MGAT5: variants seen among roughly 807,000 people sequenced by gnomAD.
MGAT5 encodes the protein alpha-1,6-mannosylglycoprotein 6-beta-N-acetylglucosaminyltransferase A.
In MGAT5, 30 loss-of-function variants were observed where a neutral mutation model predicts 94.3. The ratio of observed to expected loss-of-function variants is 0.32; its 90% CI spans 0.24 to 0.43. MGAT5 has a LOEUF of 0.43. MGAT5 is among the 20% of genes least tolerant of loss of function. The probability of loss-of-function intolerance (pLI) is 1.00; values close to 1 mark genes in which losing one functional copy is unlikely to be tolerated. For synonymous variants in MGAT5, 310 were observed against 322.9 expected (o/e 0.96, Z 0.43); for missense variants, 691 against 905.5 (o/e 0.76, Z 3.04).
chr2:134,418,471 T>G (rs1221800130), intron 12 of MGAT5, among the ~76,000 whole-genome samples: 2 of 152,192 alleles, frequency 1.3e-5, no homozygotes, highest in Admixed American at 1.3e-4. Context: ...GAGGGCAGGA[T>G]GCAGAGGGGA....
chr2:134,170,834 T>C (rs1573786076), intron 1 of MGAT5, among the ~76,000 whole-genome samples: 1 of 151,732 alleles, frequency 6.6e-6, no homozygotes, highest in East Asian at 2.0e-4. Context: ...CAGAAGCACA[T>C]AGTAGATATA....
rs71275904 is a variant in MGAT5 at position 134,416,474 on chromosome 2, C to CTTTTTTTT, written c.1677+3463_1677+3470dup. On this transcript the variant is annotated intron_variant, in intron 12 of 15. Coordinates refer to ENST00000281923, the MANE Select transcript of MGAT5 (RefSeq NM_002410.5). Reference sequence around the variant, plus strand: ...GCCTGTTTCAGAATCTCATTCCTTACTTTTTTTTTTTGGAGACCGGGTCTT... The same window carrying CTTTTTTTT: ...GCCTGTTTCAGAATCTCATTCCTTACTTTTTTTTTTTTTTTTTTTGGAGACCGGGTCTT... Among the ~76,000 whole-genome samples the CTTTTTTTT allele has an allele frequency of 2.2e-5, 3 of 139,174 alleles. No homozygotes were observed. The Admixed American group carries it at 2.2e-4, about 10-fold the overall frequency. The allele number at this position is 139,174 out of a possible 152,430, so 91.3% of individuals were successfully genotyped here. A position where few individuals can be genotyped will look rare whatever the true frequency, so the allele number is the denominator to read the frequency against.
In MGAT5 at chr2:134,317,407, G is replaced by A. The variant is rs1573782264; in HGVS notation, c.407-122G>A. 4 of 573,514 alleles carry A rather than the reference G, an allele frequency of 7.0e-6. No individual in the cohort carries two copies. In the East Asian group the frequency reaches 1.4e-4, roughly 20 times the overall value. The allele number at this position is 573,514 out of a possible 1,614,324, so 35.5% of individuals were successfully genotyped here. A position where few individuals can be genotyped will look rare whatever the true frequency, so the allele number is the denominator to read the frequency against. On this transcript the variant is annotated intron_variant, in intron 2 of 15. Transcript: ENST00000281923. Reference sequence around the variant, plus strand: ...AGCTGGAGGGGCTCCATGTATCAGAGCATGGCTGCCAACAGAGACCTTTCT... The same window carrying A: ...AGCTGGAGGGGCTCCATGTATCAGAACATGGCTGCCAACAGAGACCTTTCT...
At chr2:134,441,644 C>A in intron 14 of MGAT5, 114 bp from the exon 15 acceptor site, 23 of 1,287,664 alleles carry the variant, frequency 1.8e-5, no homozygotes, top group Non-Finnish European at 2.4e-5. Flanking sequence ...CCCAACTCTT[C>A]CCCGTCCCTG....
intron 1 of MGAT5, among the ~76,000 whole-genome samples, chr2:134,153,868 G>T (rs571469879): frequency 2.0e-5 from 3 of 152,202 alleles, no homozygotes; most frequent in East Asian, 1.9e-4. Flanking sequence ...TGCTATGAGG[G>T]TTAAGGCCCA....
chr2:134,304,378 G>C (rs2105838809), intron 2 of MGAT5, among the ~76,000 whole-genome samples: 2 of 152,232 alleles, frequency 1.3e-5, no homozygotes, highest in Non-Finnish European at 2.9e-5. Context: ...GGGTTTTCAG[G>C]TAGTAATCCC....
chr2:134,263,612 C>T (rs1683473501), intron 1 of MGAT5, among the ~76,000 whole-genome samples: 1 of 152,188 alleles, frequency 6.6e-6, no homozygotes, highest in Admixed American at 6.5e-5. Flanking sequence ...AATTATCTAA[C>T]ATGTGGCTTT....
At chr2:134,129,193 A>G (rs923051721) in intron 1 of MGAT5, among the ~76,000 whole-genome samples, 1 of 152,168 alleles carries the variant, frequency 6.6e-6, no homozygotes, top group Non-Finnish European at 1.5e-5. Flanking sequence ...TCTAGCTTCT[A>G]GAGGCTGCCC....
intron 2 of MGAT5, among the ~76,000 whole-genome samples, chr2:134,288,873 T>G (rs1331641740): frequency 6.6e-6 from 1 of 152,190 alleles, no homozygotes; most frequent in African/African-American, 2.4e-5. Context: ...AAATATCAGA[T>G]GTACAAAATG....
rs376931148 is a variant in MGAT5, at chr2:134,450,664, AC to A, written c.*1819del. 1.3e-5 allele frequency: 2 copies of A among 152,150 alleles called. No homozygotes were observed. The highest frequency in any genetic ancestry group is 4.8e-5 in the African/African-American group (2 of 41,430). The allele number at this position is 152,150 out of a possible 1,614,324, so 9.4% of individuals were successfully genotyped here. ...CCCAAGCACATCTGCCAGGTAGAGT[AC>A]CATGGGGAGGCCTCTGCCCTGAGCA... On this transcript the variant is annotated 3_prime_UTR_variant, in exon 16 of 16. Coordinates refer to ENST00000281923, the MANE Select transcript of MGAT5 (RefSeq NM_002410.5).
At chr2:134,197,891 C>T (rs1445508619) in intron 1 of MGAT5, among the ~76,000 whole-genome samples, 1 of 152,068 alleles carries the variant, frequency 6.6e-6, no homozygotes, top group African/African-American at 2.4e-5. Context: ...GAATGATAAC[C>T]CAGAGGTTGG....
At chr2:134,155,844 T>C (rs1687450609) in intron 1 of MGAT5, among the ~76,000 whole-genome samples, 1 of 152,094 alleles carries the variant, frequency 6.6e-6, no homozygotes, top group South Asian at 2.1e-4. Context: ...TTCCCTCTTT[T>C]TCTGGCCAAC....
intron 10 of MGAT5, among the ~76,000 whole-genome samples, chr2:134,386,653 T>G (rs951153907): frequency 2.0e-5 from 3 of 152,172 alleles, no homozygotes; most frequent in African/African-American, 7.2e-5. Context: ...AAAGAGTGTG[T>G]GTTTCTCTGC....
At chr2:134,146,940 TCTTAG>T (rs1343436600) in intron 1 of MGAT5, among the ~76,000 whole-genome samples, 3 of 152,232 alleles carry the variant, frequency 2.0e-5, no homozygotes, top group African/African-American at 7.2e-5. Context: ...TCTTTGAGTT[TCTTAG>T]CTTAGTCTGT....
chr2:134,190,759 C>T (rs775231124), intron 1 of MGAT5, among the ~76,000 whole-genome samples: 6 of 152,130 alleles, frequency 3.9e-5, no homozygotes, highest in African/African-American at 1.2e-4. Context: ...GATACTCCCA[C>T]GTCAGCCTCC....
At chr2:134,173,879 C>T (rs561582807) in intron 1 of MGAT5, among the ~76,000 whole-genome samples, 7 of 152,356 alleles carry the variant, frequency 4.6e-5, no homozygotes, top group Admixed American at 2.6e-4. Context: ...GGCCTCTACA[C>T]GCTTTCTCCA....
intron 1 of MGAT5, among the ~76,000 whole-genome samples, chr2:134,178,166 T>G (rs1688567987): frequency 6.6e-6 from 1 of 152,122 alleles, no homozygotes; most frequent in Non-Finnish European, 1.5e-5. Context: ...ACTTTTAGGC[T>G]GTAAAAACAT....
chr2:134,387,332 A>ATATATATATATATTTTTTTT, intron 10 of MGAT5, among the ~76,000 whole-genome samples: 7 of 24,258 alleles, frequency 2.9e-4, no homozygotes, highest in African/African-American at 1.2e-3. Flanking sequence ...ATATATATAT[A>ATATATATATATATTTTTTTT]TTTTTTTTTT....
chr2:134,184,770 A>G (rs1220710908), intron 1 of MGAT5, among the ~76,000 whole-genome samples: 2 of 152,060 alleles, frequency 1.3e-5, no homozygotes, highest in African/African-American at 4.8e-5. Context: ...AACATGACTG[A>G]GCAGAGAGCA....
Sources: allele counts gnomAD v4.1 joint callset (sites outside exome capture counted in the v4.1 genomes callset), GRCh38; gene constraint gnomAD v4.1.1; transcripts MANE v1.5; gene names NCBI Gene and HGNC (gene_info 2026-07-23, HGNC 2026-07-21).